POU6F2: variants seen among roughly 807,000 people sequenced by gnomAD.
POU6F2 encodes POU domain, class 6, transcription factor 2.
Under a neutral mutation model 71.3 loss-of-function variants are expected in POU6F2, and 31 were observed. The ratio of observed to expected loss-of-function variants is 0.43; its 90% CI spans 0.33 to 0.59. The LOEUF (loss-of-function observed/expected upper bound fraction) is 0.59, where lower values mean the gene tolerates loss of function less well. POU6F2 is among the 20% of genes least tolerant of loss of function. POU6F2 has a pLI of 0.04. For missense variants in POU6F2, 783 were observed against 856.8 expected (o/e 0.91, Z 1.07); for synonymous variants, 347 against 355.7 (o/e 0.98, Z 0.27).
intron 2 of POU6F2, among the ~76,000 whole-genome samples, chr7:39,180,352 C>T (rs971329664): frequency 2.6e-5 from 4 of 152,114 alleles, no homozygotes; most frequent in Non-Finnish European, 4.4e-5. Context: ...AAATCTCAAT[C>T]GAAGCTTTTT....
At position 39,335,391 on chromosome 7, in the gene POU6F2, G is replaced by A. The variant is rs563923467; in HGVS notation, c.599-4251G>A. Among the ~76,000 whole-genome samples, 6 of 152,282 alleles carry A rather than the reference G, an allele frequency of 3.9e-5. No individual in the cohort carries two copies. The East Asian group carries it at 5.8e-4, about 15-fold the overall frequency. ...ACAACTGTACACTTTCCCAGGAGCC[G>A]AACAAGCAGACCCTTCAATTTAGGC... On this transcript the variant is annotated intron_variant, in intron 4 of 9. Transcript: ENST00000518318.
At chr7:39,010,558 T>C (rs1187147171) in intron 1 of POU6F2, among the ~76,000 whole-genome samples, 1 of 148,408 alleles carries the variant, frequency 6.7e-6, no homozygotes, top group Non-Finnish European at 1.5e-5. Flanking sequence ...TTTCTTGCCT[T>C]CTGCTAGCTT....
chr7:39,343,173 TG>T (rs1475906602), intron 5 of POU6F2, among the ~76,000 whole-genome samples: 1 of 152,162 alleles, frequency 6.6e-6, no homozygotes, highest in Non-Finnish European at 1.5e-5. Flanking sequence ...AAAGTAATCT[TG>T]GTTGTAGAAC....
intron 2 of POU6F2, among the ~76,000 whole-genome samples, chr7:39,175,961 A>T (rs1021951738): frequency 6.6e-6 from 1 of 152,204 alleles, no homozygotes; most frequent in Admixed American, 6.5e-5. Flanking sequence ...AGACTGGCCC[A>T]TGGCTGCCTT....
chr7:39,196,249 T>G (rs1449354701), intron 2 of POU6F2, among the ~76,000 whole-genome samples: 1 of 152,176 alleles, frequency 6.6e-6, no homozygotes, highest in East Asian at 1.9e-4. Context: ...TGCTTCCTTT[T>G]TTGAAGAATT....
chr7:39,207,024 A>T (rs945017339), intron 3 of POU6F2, among the ~76,000 whole-genome samples: 2 of 152,200 alleles, frequency 1.3e-5, no homozygotes, highest in Non-Finnish European at 2.9e-5. Context: ...GAATCAAAAA[A>T]TCCCACTGAT....
rs779363584 is a variant in POU6F2, at chr7:39,339,762, C to A, written c.719C>A (p.Ala240Glu). 7 of 1,588,914 alleles carry A rather than the reference C, an allele frequency of 4.4e-6. No homozygotes were observed. Among genetic ancestry groups the A allele is most frequent in the Non-Finnish European group, 6.0e-6 (7 of 1,167,896 alleles). The change falls in exon 5 of 10, where the codon GCG (alanine) becomes GAG (glutamate). Residue 240 changes from alanine (A) to glutamate (E), a missense_variant. Ala to Glu is a moderately radical substitution (Grantham distance 107). Around this residue, in one of 2 missense-constraint regions of POU6F2, gnomAD observed 572 missense variants for 572.9 expected, o/e 1.00. Coordinates refer to ENST00000518318, the MANE Select transcript of POU6F2 (RefSeq NM_001370959.1). ...CAGCACCCGCAACCAGCCCCACAGG[C>A]GCCCTCGCAGTCCCAGCAGCAGCCG... ...TNQHPQPAPQ[A>E]PSQSQQQPLQ...
chr7:39,409,979 C>T (rs561631207), intron 6 of POU6F2, among the ~76,000 whole-genome samples: 3 of 152,310 alleles, frequency 2.0e-5, no homozygotes, highest in East Asian at 1.9e-4. Flanking sequence ...CCCACCCATT[C>T]GTGTGTCATT....
chr7:39,404,318 T>G (rs1269904032), intron 5 of POU6F2, among the ~76,000 whole-genome samples: 1 of 152,220 alleles, frequency 6.6e-6, no homozygotes, highest in Non-Finnish European at 1.5e-5. Context: ...TGGGACTATA[T>G]CTGAACAACA....
intron 4 of POU6F2, among the ~76,000 whole-genome samples, chr7:39,293,550 C>A (rs775494538): frequency 3.3e-5 from 5 of 152,140 alleles, no homozygotes; most frequent in Non-Finnish European, 5.9e-5. Context: ...TACCTAGAAC[C>A]ATTATCGCTT....
chr7:39,281,259 A>T (rs1418125878), intron 4 of POU6F2, among the ~76,000 whole-genome samples: 2 of 152,192 alleles, frequency 1.3e-5, no homozygotes, highest in East Asian at 3.8e-4. Context: ...CAGGGTATTT[A>T]GCATACCTGT....
chr7:39,302,809 C>A (rs1784974525), intron 4 of POU6F2, among the ~76,000 whole-genome samples: 1 of 152,234 alleles, frequency 6.6e-6, no homozygotes. Context: ...ACTGAGCACA[C>A]AGTAGGCATA....
chr7:39,024,941 A>G (rs752786404), intron 1 of POU6F2, among the ~76,000 whole-genome samples: 1 of 152,144 alleles, frequency 6.6e-6, no homozygotes, highest in Non-Finnish European at 1.5e-5. Flanking sequence ...ATCAATGTTT[A>G]TCAAGGATAT....
At chr7:39,212,125 G>A (rs1584604515) in intron 4 of POU6F2, among the ~76,000 whole-genome samples, 1 of 152,306 alleles carries the variant, frequency 6.6e-6, no homozygotes, top group East Asian at 1.9e-4. Flanking sequence ...ACTGCCCCCA[G>A]ACTGAGATGT....
chr7:39,026,153 G>T (rs567787494), intron 1 of POU6F2, among the ~76,000 whole-genome samples: 7 of 151,714 alleles, frequency 4.6e-5, no homozygotes, highest in African/African-American at 1.7e-4. Flanking sequence ...CTGTTGGTGG[G>T]ACTGTAAACT....
chr7:39,335,172 AC>A (rs11321518), intron 4 of POU6F2, among the ~76,000 whole-genome samples: 3,328 of 151,914 alleles, frequency 0.022, 124 homozygotes, highest in African/African-American at 0.075. Context: ...GCCCTTCTCC[AC>A]CTCCCTTCCA....
At chr7:38,981,348 C>G (rs777743176) in intron 1 of POU6F2, among the ~76,000 whole-genome samples, 19 of 151,766 alleles carry the variant, frequency 1.3e-4, no homozygotes, top group Non-Finnish European at 2.1e-4. Flanking sequence ...TTTGTTTTTT[C>G]TCATCTCATA....
chr7:39,089,221 G>C (rs1425536066), intron 2 of POU6F2, among the ~76,000 whole-genome samples: 1 of 152,214 alleles, frequency 6.6e-6, no homozygotes, highest in Non-Finnish European at 1.5e-5. Flanking sequence ...TGAGAAACAT[G>C]TGGTTAGGTA....
chr7:39,353,317 G>A (rs1226021796), intron 5 of POU6F2, among the ~76,000 whole-genome samples: 2 of 152,166 alleles, frequency 1.3e-5, no homozygotes, highest in Non-Finnish European at 2.9e-5. Context: ...AACAAATTGG[G>A]AAAATAAACT....
Sources: gnomAD v4.1 joint callset for allele counts (sites outside exome capture counted in the v4.1 genomes callset) on GRCh38, gnomAD v4.1.1 for gene constraint, gnomAD v4.1.1 regional missense constraint, MANE v1.5 for transcripts, NCBI Gene and HGNC (gene_info 2026-07-23, HGNC 2026-07-21) for gene names.